The following DIS3L2 variants were observed in gnomAD, a reference collection of about 807,000 sequenced individuals.
DIS3L2 encodes the protein DIS3 like 3'-5' exoribonuclease 2.
Under a neutral mutation model 97.5 loss-of-function variants are expected in DIS3L2, and 34 were observed. That is an observed-to-expected ratio of 0.35 (90% confidence interval 0.27 to 0.46). The LOEUF (loss-of-function observed/expected upper bound fraction) is 0.46. Among genes scored for constraint, DIS3L2 ranks in the 20% least tolerant of loss-of-function variants. The pLI is 1.00. For missense variants in DIS3L2, 1,038 were observed against 1,146.0 expected (o/e 0.91, Z 1.36); for synonymous variants, 435 against 445.2 (o/e 0.98, Z 0.29).
intron 5 of DIS3L2, among the ~76,000 whole-genome samples, chr2:232,078,000 TCTTTCTTTCTTTCTTTC>T (rs1263250939): frequency 3.5e-5 from 5 of 143,784 alleles, no homozygotes; most frequent in Non-Finnish European, 7.5e-5. Flanking sequence ...TTTCTTTCTT[TCTTTCTTTCTTTCTTTC>T]TTTTTCTCTT....
At chr2:232,227,918 A>G (rs768761307) in intron 10 of DIS3L2, among the ~76,000 whole-genome samples, 4 of 152,170 alleles carry the variant, frequency 2.6e-5, no homozygotes, top group Non-Finnish European at 5.9e-5. Context: ...TATCTCTTGT[A>G]TATTTGGCTG....
chr2:232,302,390 T>TA (rs35944968), intron 14 of DIS3L2, among the ~76,000 whole-genome samples: 12,434 of 146,910 alleles, frequency 0.085, 1,130 homozygotes, highest in East Asian at 0.46. Flanking sequence ...GTATAATAAT[T>TA]AAAAAAAAAA....
At chr2:232,050,261 A>C (rs975580351) in intron 5 of DIS3L2, among the ~76,000 whole-genome samples, 2 of 151,750 alleles carry the variant, frequency 1.3e-5, no homozygotes, top group Non-Finnish European at 2.9e-5. Context: ...TTCTCCACTT[A>C]GTTGTAGACA....
intron 5 of DIS3L2, among the ~76,000 whole-genome samples, chr2:232,056,076 G>T (rs1365124935): frequency 6.6e-6 from 1 of 151,994 alleles, no homozygotes; most frequent in African/African-American, 2.4e-5. Context: ...TCTTAAACAG[G>T]ACACAAAAAA....
intron 14 of DIS3L2, among the ~76,000 whole-genome samples, chr2:232,326,849 C>G (rs562860379): frequency 1.3e-5 from 2 of 152,250 alleles, no homozygotes; most frequent in East Asian, 3.9e-4. Flanking sequence ...CCAGGCTTCA[C>G]GTTCAAGGTC....
intron 5 of DIS3L2, among the ~76,000 whole-genome samples, chr2:232,049,034 T>A (rs913182947): frequency 5.3e-5 from 8 of 152,164 alleles, no homozygotes; most frequent in African/African-American, 1.9e-4. Flanking sequence ...ACCATAAACA[T>A]CTCAGTTTAT....
chr2:232,275,549 G>C (rs1264670651), intron 13 of DIS3L2, among the ~76,000 whole-genome samples: 1 of 152,178 alleles, frequency 6.6e-6, no homozygotes, highest in African/African-American at 2.4e-5. Context: ...ATTTTTAAAA[G>C]AGTGATAGTA....
intron 13 of DIS3L2, among the ~76,000 whole-genome samples, chr2:232,298,833 CA>C (rs777064220): frequency 2.0e-5 from 3 of 152,230 alleles, no homozygotes; most frequent in Non-Finnish European, 2.9e-5. Flanking sequence ...CTGGCTCTAG[CA>C]GGGCATGCTG....
At chr2:232,064,944 A>G (rs1272983199) in intron 5 of DIS3L2, among the ~76,000 whole-genome samples, 1 of 152,168 alleles carries the variant, frequency 6.6e-6, no homozygotes, top group Non-Finnish European at 1.5e-5. Context: ...TTGCTACACA[A>G]ATTTCTGAAG....
chr2:232,230,714 G>GT (rs1289794258), intron 10 of DIS3L2, among the ~76,000 whole-genome samples: 1 of 152,232 alleles, frequency 6.6e-6, no homozygotes, highest in Non-Finnish European at 1.5e-5. Flanking sequence ...AAGTGAGAAA[G>GT]TGAGTATGGT....
At chr2:232,300,206 A>G (rs1262576271) in intron 14 of DIS3L2, 87 bp downstream of exon 14, 7 of 1,294,288 alleles carry the variant, frequency 5.4e-6, no homozygotes, top group Non-Finnish European at 7.8e-6. Flanking sequence ...TTCCATTGCT[A>G]AGTGGTTGTC....
intron 1 of DIS3L2, among the ~76,000 whole-genome samples, chr2:231,963,261 A>G (rs1452719732): frequency 6.6e-6 from 1 of 152,110 alleles, no homozygotes; most frequent in Non-Finnish European, 1.5e-5. Flanking sequence ...TGACTTTTTG[A>G]TAATAGCCAT....
chr2:232,260,314 G>C (rs921137054), intron 12 of DIS3L2: 19 of 152,412 alleles, frequency 1.2e-4, no homozygotes, highest in Non-Finnish European at 1.8e-4. Context: ...TGTCATTCCA[G>C]AGGAGGCTGG....
chr2:232,325,794 C>T lies in DIS3L2; in HGVS notation c.1740-4019C>T, dbSNP rs113208049. ...CAGTCCCTGAGCTCCAGCGCCCCATCCCCCGCAGGGCCCAGTGATCTCACG... is the reference window on the plus strand; with the variant it reads ...CAGTCCCTGAGCTCCAGCGCCCCATTCCCCGCAGGGCCCAGTGATCTCACG... On this transcript the variant is annotated intron_variant, in intron 14 of 20. Coordinates refer to ENST00000325385, the MANE Select transcript of DIS3L2 (RefSeq NM_152383.5). This position sits in a 1 kb window ranked among gnomAD's most constrained non-coding sequence, Gnocchi z 4.6. Among the ~76,000 whole-genome samples, 14 of 152,214 alleles carry T rather than the reference C, an allele frequency of 9.2e-5. No homozygotes were observed. Among genetic ancestry groups the T allele is most frequent in the African/African-American group, 3.4e-4 (14 of 41,456 alleles).
chr2:232,252,414 A>C (rs1693443449), intron 12 of DIS3L2, among the ~76,000 whole-genome samples: 1 of 152,136 alleles, frequency 6.6e-6, no homozygotes, highest in East Asian at 1.9e-4. Flanking sequence ...CGTCTGAAAA[A>C]AATAAAAGAA....
chr2:232,106,930 T>C (rs1173087987), intron 6 of DIS3L2, among the ~76,000 whole-genome samples: 1 of 152,162 alleles, frequency 6.6e-6, no homozygotes, highest in Non-Finnish European at 1.5e-5. Context: ...TGCAGTCCAA[T>C]AGAACTCAAG....
intron 9 of DIS3L2, chr2:232,172,673 T>C (rs371305100): frequency 3.7e-6 from 2 of 534,018 alleles, no homozygotes; most frequent in African/African-American, 3.8e-5. Flanking sequence ...CTAGGTCATA[T>C]GGTCAGTCTA....
At chr2:232,107,749 AC>A (rs1358192892) in intron 6 of DIS3L2, among the ~76,000 whole-genome samples, 9 of 152,138 alleles carry the variant, frequency 5.9e-5, no homozygotes, top group Non-Finnish European at 1.3e-4. Context: ...AATACAAATA[AC>A]CATCAGAGAA....
At chr2:232,226,074 A>G (rs937243699) in intron 10 of DIS3L2, among the ~76,000 whole-genome samples, 1 of 152,210 alleles carries the variant, frequency 6.6e-6, no homozygotes, top group African/African-American at 2.4e-5. Context: ...TTCTGGGGTG[A>G]TGAAAATGTT....
Sources: allele counts gnomAD v4.1 joint callset (sites outside exome capture counted in the v4.1 genomes callset), GRCh38; gene constraint gnomAD v4.1.1; non-coding constraint Gnocchi (gnomAD v3.1); transcripts MANE v1.5; gene names NCBI Gene and HGNC (gene_info 2026-07-23, HGNC 2026-07-21).